PICALM: variants seen among roughly 807,000 people sequenced by gnomAD.
The protein encoded by PICALM is phosphatidylinositol binding clathrin assembly protein, also known as phosphatidylinositol-binding clathrin assembly protein.
In PICALM, 40 loss-of-function variants were observed where a neutral mutation model predicts 80.5. The ratio of observed to expected loss-of-function variants is 0.50; its 90% CI spans 0.39 to 0.65. PICALM has a LOEUF of 0.65. Ranked by LOEUF, PICALM falls within the 30% of genes least tolerant of loss-of-function variation. The pLI is 0.00. For missense variants in PICALM, 676 were observed against 778.9 expected, an observed-to-expected ratio of 0.87 and a Z score of 1.57; for synonymous variants, 288 against 260.3, an observed-to-expected ratio of 1.11 and a Z score of -1.02.
Position 85,983,953 on chromosome 11 carries a change from C to A in PICALM, c.1429G>T (p.Ala477Ser). The A allele has an allele frequency of 6.3e-7, 1 of 1,589,358 alleles. No homozygotes were observed. Among genetic ancestry groups the A allele is most frequent in the South Asian group, 1.1e-5 (1 of 89,470 alleles). Residue 477 changes from alanine (A) to serine (S), a missense_variant, in exon 14 of 20, where the codon GCA becomes TCA. Ala to Ser is a moderately conservative substitution (Grantham distance 99). This residue lies in a region of PICALM where 391 missense variants were observed against 383.6 expected (regional missense o/e 1.02). Transcript: ENST00000393346. ...MFVGFTPSPV[A>S]QPHPSAGLNV... The stretch of plus-strand genomic sequence containing the variant: ...AGGCCAGCTGAAGGGTGTGGCTGTG[C>A]AACTGGAGAAGGAGTGAATCCTGAG...
chr11:86,029,285 C>T (rs936474491), intron 2 of PICALM, among the ~76,000 whole-genome samples: 3 of 152,160 alleles, frequency 2.0e-5, no homozygotes, highest in African/African-American at 7.2e-5. Context: ...AGAATCACCG[C>T]TCCATGGTAT....
chr11:85,967,414 A>G (rs776184140), intron 19 of PICALM, among the ~76,000 whole-genome samples: 3 of 152,236 alleles, frequency 2.0e-5, no homozygotes, highest in Non-Finnish European at 4.4e-5. Flanking sequence ...AAACCTAGTA[A>G]TAAGCAAGGT....
chr11:86,068,551 G>T, intron 1 of PICALM, 100 bp downstream of exon 1: 2 of 1,139,420 alleles, frequency 1.8e-6, no homozygotes, highest in Admixed American at 2.6e-5. Context: ...ACGCAGGGAG[G>T]GAAGAGGCAG....
intron 1 of PICALM, among the ~76,000 whole-genome samples, chr11:86,045,856 C>G (rs1176333363): frequency 6.6e-6 from 1 of 152,148 alleles, no homozygotes; most frequent in African/African-American, 2.4e-5. Context: ...CAGTACCAAT[C>G]TTTCACCAAC....
intron 19 of PICALM, among the ~76,000 whole-genome samples, chr11:85,965,880 G>T (rs959615491): frequency 7.4e-6 from 1 of 135,322 alleles, no homozygotes; most frequent in Non-Finnish European, 1.5e-5. Context: ...ACAGTGGTGC[G>T]ATCTCAGCTC....
rs186932606 is a variant in PICALM, at chr11:86,014,923, G to A, written c.493C>T (p.Leu165=). The A allele has an allele frequency of 7.5e-6, 12 of 1,595,498 alleles. No individual in the cohort carries two copies. The East Asian group carries it at 2.7e-4, about 36-fold the overall frequency. ...TTCTGAATAATTGGTACAGTTTTTA[G>A]GAGTTTTTCTGTGTTCATTGTTCTC... ...VMRTMNTEKL[L]KTVPIIQNQM... is the part of the protein sequence containing the mutation. Residue 165 remains leucine (L), a synonymous_variant, in exon 5 of 20, where the codon CTA becomes TTA. Coordinates refer to ENST00000393346, the MANE Select transcript of PICALM (RefSeq NM_007166.4).
At position 85,974,640 on chromosome 11, in the gene PICALM, A is replaced by G. The variant is rs565427045; in HGVS notation, c.1944+68T>C. ...TAACTTGTTTCTCAAGTTGTACAAA[A>G]GGGTTTTATAGTATCATATTCCTTC... is the stretch of plus-strand genomic sequence containing the variant. On this transcript the variant is annotated intron_variant, in intron 19 of 19. Coordinates refer to ENST00000393346, the MANE Select transcript of PICALM (RefSeq NM_007166.4). 10 of 1,001,508 alleles carry G rather than the reference A, an allele frequency of 1.0e-5. No homozygotes were observed. In the African/African-American group the frequency reaches 1.1e-4, roughly 11 times the overall value. The allele number at this position is 1,001,508 out of a possible 1,614,324, so 62.0% of individuals were successfully genotyped here. A position where few individuals can be genotyped will look rare whatever the true frequency, so the allele number is the denominator to read the frequency against.
At chr11:86,065,024 A>T (rs2137822695) in intron 1 of PICALM, among the ~76,000 whole-genome samples, 1 of 152,300 alleles carries the variant, frequency 6.6e-6, no homozygotes, top group Middle Eastern at 3.4e-3. Flanking sequence ...ATAAGGCTGC[A>T]GTGAGCCATG....
chr11:86,009,619 G>A (rs963191176), intron 7 of PICALM, among the ~76,000 whole-genome samples: 3 of 152,200 alleles, frequency 2.0e-5, no homozygotes, highest in Non-Finnish European at 2.9e-5. Flanking sequence ...TTGAACCCAG[G>A]AGGTGGAGGT....
intron 12 of PICALM, among the ~76,000 whole-genome samples, chr11:85,993,028 A>C (rs2094839663): frequency 6.6e-6 from 1 of 152,216 alleles, no homozygotes; most frequent in Non-Finnish European, 1.5e-5. Context: ...AGGTATAATA[A>C]TAACGCTCCA....
chr11:86,061,163 T>A lies in PICALM; in HGVS notation c.130+7488A>T, dbSNP rs147032371. On this transcript the variant is annotated intron_variant, in intron 1 of 19. Transcript: ENST00000393346. The stretch of plus-strand genomic sequence containing the variant: ...GGCTAATATGGTCAAACGCCATCTC[T>A]ACTAAAAATACAAAAATTAGCCAGG... Among the ~76,000 whole-genome samples the A allele has an allele frequency of 3.4e-3, 509 of 151,892 alleles. 3 individuals carry two copies. The highest frequency in any genetic ancestry group is 0.012 in the African/African-American group (487 of 41,462).
intron 1 of PICALM, among the ~76,000 whole-genome samples, chr11:86,065,762 A>G (rs1236637380): frequency 6.6e-6 from 1 of 152,240 alleles, no homozygotes; most frequent in Non-Finnish European, 1.5e-5. Context: ...ATTATCCACT[A>G]ACACCTACAG....
Position 86,068,346 on chromosome 11 carries a change from G to T in PICALM, c.130+305C>A, listed in dbSNP as rs191202162. Among the ~76,000 whole-genome samples, 434 of 152,274 alleles carry T rather than the reference G, an allele frequency of 2.9e-3. 8 individuals carry two copies. The highest frequency in any genetic ancestry group is 8.3e-4 in the South Asian group (4 of 4,820). ...AGTGGAGACGGGTAGGGGGTGAGAA[G>T]CCAGGTGGGGAAGCAAGTTGGTTGG... is the stretch of plus-strand genomic sequence containing the variant. On this transcript the variant is annotated intron_variant, in intron 1 of 19. Transcript: ENST00000393346.
At chr11:86,057,183 A>G (rs2096282020) in intron 1 of PICALM, among the ~76,000 whole-genome samples, 1 of 152,216 alleles carries the variant, frequency 6.6e-6, no homozygotes, top group Admixed American at 6.5e-5. Context: ...TCTCAATTTT[A>G]AAATTGCAAA....
chr11:86,066,485 C>T (rs2096449847), intron 1 of PICALM, among the ~76,000 whole-genome samples: 1 of 152,110 alleles, frequency 6.6e-6, no homozygotes, highest in Admixed American at 6.5e-5. Flanking sequence ...AACCTAATCC[C>T]AGTTACCATC....
intron 5 of PICALM, among the ~76,000 whole-genome samples, chr11:86,014,467 T>C (rs2095448184): frequency 6.6e-6 from 1 of 152,238 alleles, no homozygotes; most frequent in Admixed American, 6.5e-5. Context: ...CTATTATAAC[T>C]GCTATTTAAA....
chr11:85,969,151 T>G (rs1277954062), intron 19 of PICALM, among the ~76,000 whole-genome samples: 1 of 152,196 alleles, frequency 6.6e-6, no homozygotes, highest in Non-Finnish European at 1.5e-5. Flanking sequence ...AAACAAGCAC[T>G]AATGCAGTGC....
chr11:86,040,003 CAAAAAAAA>C (rs752086947), intron 1 of PICALM, among the ~76,000 whole-genome samples: 1 of 53,384 alleles, frequency 1.9e-5, no homozygotes, highest in Non-Finnish European at 3.5e-5. Context: ...GACGCCGTCT[CAAAAAAAA>C]AAAAAAAAAA....
intron 1 of PICALM, among the ~76,000 whole-genome samples, chr11:86,056,139 A>AAAAAAAAAAAAAAAAAAAAG (rs2096265778): frequency 6.8e-6 from 1 of 147,212 alleles, no homozygotes; most frequent in Non-Finnish European, 1.5e-5. Context: ...TGTCTTTAAA[A>AAAAAAAAAAAAAAAAAAAAG]AAAAAAAAAA....
Sources: allele counts gnomAD v4.1 joint callset (sites outside exome capture counted in the v4.1 genomes callset), GRCh38; gene constraint gnomAD v4.1.1; regional missense constraint gnomAD v4.1.1; transcripts MANE v1.5; gene names NCBI Gene and HGNC (gene_info 2026-07-23, HGNC 2026-07-21).